PDZRN4: variants seen among roughly 807,000 people sequenced by gnomAD.
PDZRN4 encodes PDZ domain containing ring finger 4, also known as PDZ domain-containing RING finger protein 4.
Under a neutral mutation model 99.0 loss-of-function variants are expected in PDZRN4, and 70 were observed. The ratio of observed to expected loss-of-function variants is 0.71; its 90% CI spans 0.58 to 0.86. The LOEUF (loss-of-function observed/expected upper bound fraction) is 0.86. Among genes scored for constraint, PDZRN4 ranks in the 40% least tolerant of loss-of-function variants. The probability of loss-of-function intolerance (pLI) is 0.00; values close to 1 mark genes in which losing one functional copy is unlikely to be tolerated. For synonymous variants in PDZRN4, 551 were observed against 501.6 expected (o/e 1.10, Z -1.32); for missense variants, 1,474 against 1,331.2 (o/e 1.11, Z -1.67).
At chr12:41,551,128 G>A (rs569859354) in intron 5 of PDZRN4, among the ~76,000 whole-genome samples, 4 of 152,162 alleles carry the variant, frequency 2.6e-5, no homozygotes, top group Non-Finnish European at 5.9e-5. Flanking sequence ...AGTTTAGGAA[G>A]TAGAAGATCA....
intron 3 of PDZRN4, among the ~76,000 whole-genome samples, chr12:41,340,789 G>T (rs560064577): frequency 2.0e-5 from 3 of 151,700 alleles, no homozygotes; most frequent in Admixed American, 1.3e-4. Flanking sequence ...TTCTTCCATA[G>T]ATTTAAAGAA....
chr12:41,478,146 C>T (rs910673346), intron 3 of PDZRN4, among the ~76,000 whole-genome samples: 1 of 152,078 alleles, frequency 6.6e-6, no homozygotes, highest in Non-Finnish European at 1.5e-5. Context: ...GACGAAGACT[C>T]ACTCTGTCAC....
intron 3 of PDZRN4, among the ~76,000 whole-genome samples, chr12:41,384,448 G>A (rs1952151225): frequency 6.6e-6 from 1 of 152,010 alleles, no homozygotes; most frequent in Non-Finnish European, 1.5e-5. Flanking sequence ...ACTCAATATA[G>A]ATCAAATTAA....
intron 3 of PDZRN4, among the ~76,000 whole-genome samples, chr12:41,239,144 C>A (rs576428750): frequency 6.6e-6 from 1 of 152,104 alleles, no homozygotes; most frequent in Non-Finnish European, 1.5e-5. Flanking sequence ...TAAAAAGGAA[C>A]AAGATCATGT....
At chr12:41,398,838 A>C (rs918362668) in intron 3 of PDZRN4, among the ~76,000 whole-genome samples, 1 of 152,198 alleles carries the variant, frequency 6.6e-6, no homozygotes, top group Non-Finnish European at 1.5e-5. Context: ...CTAGGTGCTC[A>C]GTAGTTTTTT....
chr12:41,402,152 GTATA>G lies in PDZRN4; in HGVS notation c.844-104291_844-104288del, dbSNP rs1212812380. 9.8e-4 allele frequency among the ~76,000 whole-genome samples: 37 copies of G among 37,770 alleles called. 11 individuals carry two copies. Among genetic ancestry groups the G allele is most frequent in the African/African-American group, 7.3e-3 (35 of 4,774 alleles). 24.8% of individuals were successfully genotyped at this position (37,770 alleles called of 152,430 possible). A position where few individuals can be genotyped will look rare whatever the true frequency, so the allele number is the denominator to read the frequency against. Reference sequence around the variant, plus strand: ...ATATATATATATATACACACACTGAGTATATATATATATATACACACTGAGTATA... The same window carrying G: ...ATATATATATATATACACACACTGAGTATATATATATACACACTGAGTATA... On this transcript the variant is annotated intron_variant, in intron 3 of 9. Transcript: ENST00000402685.
chr12:41,488,417 A>G (rs940394393), intron 3 of PDZRN4, among the ~76,000 whole-genome samples: 1 of 152,236 alleles, frequency 6.6e-6, no homozygotes, highest in Non-Finnish European at 1.5e-5. Flanking sequence ...AAGAGATAGA[A>G]GATAAGATCT....
intron 3 of PDZRN4, among the ~76,000 whole-genome samples, chr12:41,289,941 C>G (rs1276983543): frequency 5.3e-5 from 8 of 152,158 alleles, no homozygotes; most frequent in Admixed American, 5.2e-4. Flanking sequence ...CATAGTGGAT[C>G]TCCAGTAATT....
chr12:41,333,319 C>G (rs1028995922), intron 3 of PDZRN4, among the ~76,000 whole-genome samples: 6 of 152,032 alleles, frequency 3.9e-5, no homozygotes, highest in African/African-American at 1.4e-4. Context: ...GCTGTGTGCT[C>G]CAGCACAGCA....
chr12:41,275,742 C>A (rs1202486863), intron 3 of PDZRN4, among the ~76,000 whole-genome samples: 1 of 151,878 alleles, frequency 6.6e-6, no homozygotes, highest in Non-Finnish European at 1.5e-5. Context: ...GGATTCAAAC[C>A]CAAATATGGC....
At position 41,369,659 on chromosome 12, in the gene PDZRN4, G is replaced by A. The variant is rs541141296; in HGVS notation, c.844-136797G>A. Among the ~76,000 whole-genome samples the A allele has an allele frequency of 2.8e-4, 43 of 151,494 alleles. 1 individual carries two copies. Among genetic ancestry groups the A allele is most frequent in the Admixed American group, 2.4e-3 (37 of 15,190 alleles). On this transcript the variant is annotated intron_variant, in intron 3 of 9. Coordinates refer to ENST00000402685, the MANE Select transcript of PDZRN4 (RefSeq NM_001164595.2). ...TTAATTTCAGAATCTCTGTCTTTACGCATTTATATCATTTTTAAATAAAGT... is the reference window on the plus strand; with the variant it reads ...TTAATTTCAGAATCTCTGTCTTTACACATTTATATCATTTTTAAATAAAGT...
In PDZRN4 at chr12:41,520,733, T is replaced by C. The variant is rs554717693; in HGVS notation, c.1203+10820T>C. ...TGTGTTGATGGAGCAAATAAATCTT[T>C]TGGCTCATTTCAAACCCAGAGAAAG... is the stretch of plus-strand genomic sequence containing the variant. On this transcript the variant is annotated intron_variant, in intron 5 of 9. Transcript: ENST00000402685. 1.7e-3 allele frequency among the ~76,000 whole-genome samples: 263 copies of C among 151,998 alleles called. 1 individual carries two copies. The highest frequency in any genetic ancestry group is 6.0e-3 in the African/African-American group (250 of 41,474).
At chr12:41,450,701 C>T (rs1302575646) in intron 3 of PDZRN4, among the ~76,000 whole-genome samples, 1 of 152,060 alleles carries the variant, frequency 6.6e-6, no homozygotes, top group East Asian at 1.9e-4. Flanking sequence ...GCGGGGGGAT[C>T]ACTTGAGGCC....
chr12:41,378,077 G>A (rs1461379288), intron 3 of PDZRN4, among the ~76,000 whole-genome samples: 1 of 152,080 alleles, frequency 6.6e-6, no homozygotes, highest in African/African-American at 2.4e-5. Context: ...AAAGAATTCA[G>A]GTTTTCACTG....
At chr12:41,383,327 A>G (rs1483777631) in intron 3 of PDZRN4, among the ~76,000 whole-genome samples, 2 of 152,258 alleles carry the variant, frequency 1.3e-5, no homozygotes, top group Non-Finnish European at 2.9e-5. Context: ...TCTGAGAGAA[A>G]GAAGGCAGAA....
chr12:41,354,151 A>G (rs145263634), intron 3 of PDZRN4, among the ~76,000 whole-genome samples: 3 of 152,272 alleles, frequency 2.0e-5, no homozygotes, highest in African/African-American at 7.2e-5. Flanking sequence ...CGATAGCAAT[A>G]TGAGATTGAG....
At chr12:41,550,848 C>T (rs1939039916) in intron 5 of PDZRN4, among the ~76,000 whole-genome samples, 1 of 152,126 alleles carries the variant, frequency 6.6e-6, no homozygotes, top group South Asian at 2.1e-4. Context: ...TACAGCACAT[C>T]ATTTTTAAAC....
At chr12:41,450,252 A>C (rs1231655729) in intron 3 of PDZRN4, among the ~76,000 whole-genome samples, 1 of 152,166 alleles carries the variant, frequency 6.6e-6, no homozygotes, top group African/African-American at 2.4e-5. Flanking sequence ...TATTGTTTGA[A>C]CCATGAAAAA....
intron 3 of PDZRN4, among the ~76,000 whole-genome samples, chr12:41,222,107 T>A (rs899413474): frequency 2.6e-5 from 4 of 152,164 alleles, no homozygotes; most frequent in Non-Finnish European, 4.4e-5. Flanking sequence ...TTCCAGCATA[T>A]GACCAGAGGC....
Sources: gnomAD v4.1 joint callset for allele counts (sites outside exome capture counted in the v4.1 genomes callset) on GRCh38, gnomAD v4.1.1 for gene constraint, MANE v1.5 for transcripts, NCBI Gene and HGNC (gene_info 2026-07-23, HGNC 2026-07-21) for gene names.